RMDN2: variants seen among roughly 807,000 people sequenced by gnomAD.
RMDN2 encodes the protein regulator of microtubule dynamics protein 2.
Under a neutral mutation model 52.8 loss-of-function variants are expected in RMDN2, and 61 were observed. That is an observed-to-expected ratio of 1.16 (90% CI 0.94 to 1.43). The LOEUF is 1.43. Ranked by LOEUF, RMDN2 falls within the 40% of genes most tolerant of loss-of-function variation. The pLI is 0.00. For synonymous variants in RMDN2, 180 were observed against 153.1 expected, an observed-to-expected ratio of 1.18 and a Z score of -1.30; for missense variants, 592 against 475.3, an observed-to-expected ratio of 1.25 and a Z score of -2.28.
intron 10 of RMDN2, among the ~76,000 whole-genome samples, chr2:38,063,658 CA>C (rs1682146806): frequency 6.6e-6 from 1 of 151,980 alleles, no homozygotes; most frequent in African/African-American, 2.4e-5. Context: ...ACTCATCTGA[CA>C]AAGGGCTAAT....
Position 37,974,087 on chromosome 2 carries a change from C to A in RMDN2, c.500C>A (p.Pro167His). 6.2e-7 allele frequency: 1 copy of A among 1,612,878 alleles called. No homozygotes were observed. The highest frequency in any genetic ancestry group is 1.3e-5 in the African/African-American group (1 of 74,960). Residue 167 changes from proline to histidine, a missense_variant, in exon 3 of 11, where the codon CCT becomes CAT. Transcript: ENST00000354545. ...TDTEEQSFPV[P>H]KAFNTRVEEL... ...ACAGAAGAACAGAGTTTTCCAGTCC[C>A]TAAGGCATTTAACACACGTGTAGAG...
intron 2 of RMDN2, among the ~76,000 whole-genome samples, chr2:37,948,220 T>G (rs180893400): frequency 1.3e-5 from 2 of 152,338 alleles, no homozygotes; most frequent in East Asian, 3.9e-4. Context: ...CTCAGGAATC[T>G]GCATTTTAAG....
intron 2 of RMDN2, among the ~76,000 whole-genome samples, chr2:37,954,950 G>T (rs1001167413): frequency 1.6e-4 from 25 of 151,986 alleles, no homozygotes; most frequent in Non-Finnish European, 3.2e-4. Context: ...TTACACTTTT[G>T]ATGCAATTAT....
chr2:37,968,457 AAAAAG>A (rs1239392867), intron 2 of RMDN2, among the ~76,000 whole-genome samples: 1,511 of 150,746 alleles, frequency 0.01, 30 homozygotes, highest in African/African-American at 0.034. Context: ...AAAAAAAAAA[AAAAAG>A]AAAGTCTGTT....
chr2:38,012,319 T>C (rs908116634), intron 10 of RMDN2, among the ~76,000 whole-genome samples: 1 of 152,250 alleles, frequency 6.6e-6, no homozygotes, highest in African/African-American at 2.4e-5. Context: ...CACACAGTTA[T>C]TATGTCATTA....
At chr2:37,952,490 T>C in intron 2 of RMDN2, 1 of 465,128 alleles carries the variant, frequency 2.1e-6, no homozygotes, top group East Asian at 3.1e-5. Context: ...GTGACTATTA[T>C]AATACTTTTG....
chr2:37,975,809 T>G (rs558022760), intron 4 of RMDN2, among the ~76,000 whole-genome samples: 1 of 152,162 alleles, frequency 6.6e-6, no homozygotes, highest in Non-Finnish European at 1.5e-5. Context: ...TACAAAAAAA[T>G]GTACACTCTC....
At chr2:37,991,399 T>C (rs1194965709) in intron 7 of RMDN2, 102 bp downstream of exon 7, 8 of 442,294 alleles carry the variant, frequency 1.8e-5, no homozygotes, top group East Asian at 1.1e-4. Context: ...GTGCCTACTT[T>C]AGGGAGAATT....
intron 10 of RMDN2, among the ~76,000 whole-genome samples, chr2:38,043,732 A>G (rs915583577): frequency 1.8e-4 from 28 of 152,196 alleles, no homozygotes; most frequent in Admixed American, 5.9e-4. Flanking sequence ...TTCAAGTAAC[A>G]CTGTATCATT....
At chr2:37,948,076 C>T (rs956634116) in intron 2 of RMDN2, among the ~76,000 whole-genome samples, 20 of 152,288 alleles carry the variant, frequency 1.3e-4, no homozygotes, top group Admixed American at 1.0e-3. Flanking sequence ...CCCGTATGTT[C>T]TGGAACACAG....
At chr2:37,957,806 T>C (rs1669673514) in intron 2 of RMDN2, among the ~76,000 whole-genome samples, 1 of 152,210 alleles carries the variant, frequency 6.6e-6, no homozygotes, top group Non-Finnish European at 1.5e-5. Flanking sequence ...TTGATCCTTC[T>C]TGAGTTGATT....
chr2:38,029,222 C>G (rs2125270952), intron 10 of RMDN2: 1 of 152,316 alleles, frequency 6.6e-6, no homozygotes, highest in East Asian at 2.0e-4. Context: ...ATTCCAGGCA[C>G]ACGGGATTGA....
intron 4 of RMDN2, among the ~76,000 whole-genome samples, chr2:37,980,492 CAG>C (rs1673160639): frequency 1.3e-5 from 2 of 152,044 alleles, no homozygotes; most frequent in African/African-American, 2.4e-5. Flanking sequence ...TTAGTAGAGA[CAG>C]GGTTTCGCCA....
At chr2:38,038,975 A>G (rs1349402345) in intron 10 of RMDN2, among the ~76,000 whole-genome samples, 1 of 150,960 alleles carries the variant, frequency 6.6e-6, no homozygotes, top group Non-Finnish European at 1.5e-5. Flanking sequence ...CCTTCTGCTC[A>G]GTTTTGATTT....
intron 10 of RMDN2, among the ~76,000 whole-genome samples, chr2:38,010,564 G>A (rs147437308): frequency 5.9e-5 from 9 of 152,162 alleles, no homozygotes; most frequent in Non-Finnish European, 8.8e-5. Context: ...TTGGAAAAGC[G>A]CAGTATTAGG....
chr2:37,996,578 G>A lies in RMDN2; in HGVS notation c.946-838G>A, dbSNP rs373634245. 1.1e-3 allele frequency among the ~76,000 whole-genome samples: 147 copies of A among 133,590 alleles called. 1 individual carries two copies. Among genetic ancestry groups the A allele is most frequent in the African/African-American group, 4.1e-3 (143 of 35,292 alleles). The allele number at this position is 133,590 out of a possible 152,430, so 87.6% of individuals were successfully genotyped here. A position where few individuals can be genotyped will look rare whatever the true frequency, so the allele number is the denominator to read the frequency against. The stretch of plus-strand genomic sequence containing the variant: ...TATGATCCAGCCTGAGCAACAAGGT[G>A]AGACATTGCCAAAAAAAAAAAAGAA... On this transcript the variant is annotated intron_variant, in intron 7 of 10. Coordinates refer to ENST00000354545, the MANE Select transcript of RMDN2 (RefSeq NM_001170791.3).
chr2:37,999,440 C>G (rs1226992068), intron 8 of RMDN2, among the ~76,000 whole-genome samples: 1 of 152,154 alleles, frequency 6.6e-6, no homozygotes, highest in African/African-American at 2.4e-5. Flanking sequence ...AATTTAAACA[C>G]CTCAGCAAAC....
intron 10 of RMDN2, among the ~76,000 whole-genome samples, chr2:38,027,753 C>A (rs1469819758): frequency 1.3e-5 from 2 of 152,102 alleles, no homozygotes; most frequent in Non-Finnish European, 2.9e-5. Context: ...TTTATACAAC[C>A]CACCTAATTT....
At chr2:37,964,609 A>C (rs559926814) in intron 2 of RMDN2, among the ~76,000 whole-genome samples, 19 of 152,106 alleles carry the variant, frequency 1.2e-4, no homozygotes, top group Non-Finnish European at 2.8e-4. Context: ...TATATTATCT[A>C]CTTGGAGAAT....
Sources: gnomAD v4.1 joint callset for allele counts (sites outside exome capture counted in the v4.1 genomes callset) on GRCh38, gnomAD v4.1.1 for gene constraint, MANE v1.5 for transcripts, NCBI Gene and HGNC (gene_info 2026-07-23, HGNC 2026-07-21) for gene names.